The following OTOGL variants were observed in gnomAD, a reference collection of about 807,000 sequenced individuals.
OTOGL encodes otogelin-like protein.
OTOGL carries 285 observed loss-of-function variants against 318.5 expected under a neutral mutation model. That is an observed-to-expected ratio of 0.89 (90% CI 0.81 to 0.99). OTOGL has a LOEUF of 0.99. OTOGL is among the 50% of genes least tolerant of loss of function. OTOGL has a pLI of 0.00. For synonymous variants in OTOGL, 987 were observed against 936.5 expected (o/e 1.05, Z -0.99); for missense variants, 2,899 against 2,845.6 (o/e 1.02, Z -0.43).
intron 1 of OTOGL, among the ~76,000 whole-genome samples, chr12:80,154,723 C>A (rs570289580): frequency 2.6e-4 from 39 of 152,140 alleles, no homozygotes; most frequent in Non-Finnish European, 5.0e-4. Flanking sequence ...CAGGTTTTGG[C>A]AAAAATAAAG....
At position 80,210,860 on chromosome 12, in the gene OTOGL, A is replaced by T. The variant is rs147902353; in HGVS notation, c.93A>T (p.Ala31=). 1.4e-6 allele frequency: 2 copies of T among 1,477,174 alleles called. No individual in the cohort carries two copies. The highest frequency in any genetic ancestry group is 1.8e-6 in the Non-Finnish European group (2 of 1,109,514). The allele number at this position is 1,477,174 out of a possible 1,614,324, so 91.5% of individuals were successfully genotyped here. The change falls in exon 3 of 59, where the codon GCA becomes GCT. Residue 31 remains alanine, a synonymous_variant. Coordinates refer to ENST00000547103, the MANE Select transcript of OTOGL (RefSeq NM_001378609.3). ...TGTCTCTGGCAGAATATATTTGTGC[A>T]TCGTCTATATTGATGGGAACATCAA... The part of the protein sequence containing the change: ...LLFSLQEYIC[A]SSILMGTSKN...
chr12:80,187,008 G>A (rs1875341526), intron 1 of OTOGL, among the ~76,000 whole-genome samples: 1 of 152,092 alleles, frequency 6.6e-6, no homozygotes, highest in South Asian at 2.1e-4. Flanking sequence ...TATGGAGATA[G>A]AAAGAAGATA....
At chr12:80,267,391 T>TA in intron 22 of OTOGL, 64 bp downstream of exon 22, 6 of 689,138 alleles carry the variant, frequency 8.7e-6, no homozygotes, top group Non-Finnish European at 9.9e-6. Context: ...ATTCTTTCTT[T>TA]TATATATATA....
At chr12:80,310,953 G>A (rs375480705) in intron 30 of OTOGL, among the ~76,000 whole-genome samples, 18 of 152,230 alleles carry the variant, frequency 1.2e-4, no homozygotes, top group Admixed American at 3.9e-4. Flanking sequence ...ACCTTTGTAC[G>A]TATTTGTAAT....
intron 11 of OTOGL, among the ~76,000 whole-genome samples, chr12:80,248,890 C>T (rs1016978339): frequency 1.3e-5 from 2 of 148,632 alleles, no homozygotes; most frequent in Admixed American, 6.6e-5. Flanking sequence ...CTCTAAACTT[C>T]CCTTCTCACT....
chr12:80,113,780 C>T (rs1294032965), intron 1 of OTOGL, among the ~76,000 whole-genome samples: 3 of 152,122 alleles, frequency 2.0e-5, no homozygotes, highest in Non-Finnish European at 4.4e-5. Context: ...TAAGAACTTG[C>T]TTTATGAATC....
chr12:80,356,565 T>C lies in OTOGL; in HGVS notation c.5911+45T>C, dbSNP rs1432717448. The C allele has an allele frequency of 3.7e-6, 5 of 1,363,080 alleles. No homozygotes were observed. The South Asian group carries it at 6.5e-5, about 18-fold the overall frequency. 84.4% of individuals were successfully genotyped at this position (1,363,080 alleles called of 1,614,324 possible). On this transcript the variant is annotated intron_variant, in intron 48 of 58. Transcript: ENST00000547103. ...AATTAAGAGTGAGGTTCATTGTTCA[T>C]TCAGAACAGTGAATTAGATTCTCAT... is the stretch of plus-strand genomic sequence containing the variant.
At chr12:80,136,234 C>T (rs1871562264) in intron 1 of OTOGL, among the ~76,000 whole-genome samples, 3 of 152,320 alleles carry the variant, frequency 2.0e-5, no homozygotes, top group Admixed American at 2.0e-4. Flanking sequence ...CTTTCACTCT[C>T]ACCATTTCCT....
intron 22 of OTOGL, among the ~76,000 whole-genome samples, chr12:80,269,824 G>A (rs1026153516): frequency 2.6e-5 from 4 of 152,046 alleles, no homozygotes; most frequent in African/African-American, 9.7e-5. Flanking sequence ...CCCCTTCTGT[G>A]AGACAAATTA....
intron 44 of OTOGL, among the ~76,000 whole-genome samples, chr12:80,345,682 G>A (rs1441247397): frequency 6.6e-6 from 1 of 152,058 alleles, no homozygotes; most frequent in Non-Finnish European, 1.5e-5. Context: ...TTATTTTGCA[G>A]ATTTTTTTCA....
intron 55 of OTOGL, among the ~76,000 whole-genome samples, chr12:80,369,900 T>A (rs994500161): frequency 2.6e-5 from 4 of 152,072 alleles, no homozygotes; most frequent in Non-Finnish European, 1.5e-5. Context: ...CTACTTTTAT[T>A]TTTTAAATGT....
At chr12:80,125,588 G>C (rs976839850) in intron 1 of OTOGL, among the ~76,000 whole-genome samples, 16 of 152,126 alleles carry the variant, frequency 1.1e-4, no homozygotes, top group African/African-American at 3.6e-4. Flanking sequence ...TTTTTCTATT[G>C]TTTGGAATAG....
At chr12:80,194,482 G>A (rs1875909110) in intron 1 of OTOGL, among the ~76,000 whole-genome samples, 1 of 151,954 alleles carries the variant, frequency 6.6e-6, no homozygotes, top group African/African-American at 2.4e-5. Flanking sequence ...AGTAATATAA[G>A]ACTTATTCAT....
intron 50 of OTOGL, 64 bp from the exon 51 acceptor site, chr12:80,358,607 G>T: frequency 7.9e-7 from 1 of 1,269,784 alleles, no homozygotes; most frequent in East Asian, 2.4e-5. Context: ...TGAACTAAAT[G>T]GTAGGTAATG....
intron 1 of OTOGL, among the ~76,000 whole-genome samples, chr12:80,188,543 A>AT (rs1875462733): frequency 1.3e-5 from 2 of 149,378 alleles, no homozygotes; most frequent in African/African-American, 4.9e-5. Context: ...GTCTCAAAAA[A>AT]AAAATAATAA....
At chr12:80,141,639 T>C (rs1871953710) in intron 1 of OTOGL, among the ~76,000 whole-genome samples, 1 of 152,124 alleles carries the variant, frequency 6.6e-6, no homozygotes, top group South Asian at 2.1e-4. Flanking sequence ...CCCTAAAGGG[T>C]GTCAGCCTCA....
chr12:80,353,419 C>A lies in OTOGL; in HGVS notation c.5502C>A (p.Ser1834=). 6.2e-7 allele frequency: 1 copy of A among 1,603,774 alleles called. No individual in the cohort carries two copies. Among genetic ancestry groups the A allele is most frequent in the Non-Finnish European group, 8.5e-7 (1 of 1,174,652 alleles). Residue 1834 remains serine, a synonymous_variant, in exon 46 of 59, where the codon TCC becomes TCA. Transcript: ENST00000547103. The part of the protein sequence containing the change: ...CLNQWFYGHT[S]CLNLREDCVC... ...ACCAATGGTTCTATGGACACACTTCCTGTTTGAATCTAAGAGAAGACTGTG... is the reference window on the plus strand; with the variant it reads ...ACCAATGGTTCTATGGACACACTTCATGTTTGAATCTAAGAGAAGACTGTG...
rs371298398 is a variant in OTOGL at position 80,367,603 on chromosome 12, A to T, written c.6374A>T (p.Asn2125Ile). 1.3e-6 allele frequency: 2 copies of T among 1,545,332 alleles called. No individual in the cohort carries two copies. The highest frequency in any genetic ancestry group is 2.8e-5 in the African/African-American group (2 of 72,546). ...GTATTTCAAGAAGTATCAGTATTGA[A>T]TCCTGGACAATCCATGATAAAGTAT... ...VCVFQEVSVL[N>I]PGQSMIKYLE... The change falls in exon 54 of 59, where the codon AAT (asparagine) becomes ATT (isoleucine). Residue 2125 changes from asparagine to isoleucine, a missense_variant. Physicochemically the swap from Asn to Ile is moderately radical, Grantham distance 149. This residue lies in a region of OTOGL where 289 missense variants were observed against 304.6 expected (regional missense o/e 0.95). Transcript: ENST00000547103.
At chr12:80,152,241 A>G (rs144408258) in intron 1 of OTOGL, among the ~76,000 whole-genome samples, 129 of 152,258 alleles carry the variant, frequency 8.5e-4, no homozygotes, top group Admixed American at 2.1e-3. Flanking sequence ...GGAGTTTAAT[A>G]GTGAAGAACA....
Sources: gnomAD v4.1 joint callset for allele counts (sites outside exome capture counted in the v4.1 genomes callset) on GRCh38, gnomAD v4.1.1 for gene constraint, gnomAD v4.1.1 regional missense constraint, MANE v1.5 for transcripts, NCBI Gene and HGNC (gene_info 2026-07-23, HGNC 2026-07-21) for gene names.